The following LMBRD1 variants were observed in gnomAD, a reference collection of about 807,000 sequenced individuals.
LMBRD1 encodes the protein lysosomal cobalamin transport escort protein LMBD1.
LMBRD1 carries 64 observed loss-of-function variants against 74.8 expected under a neutral mutation model. That is an observed-to-expected ratio of 0.86 (90% CI 0.70 to 1.05). LMBRD1 has a LOEUF of 1.05. Among genes scored for constraint, LMBRD1 ranks in the 50% least tolerant of loss-of-function variants. The pLI is 0.00. For synonymous variants in LMBRD1, 204 were observed against 216.3 expected, an observed-to-expected ratio of 0.94 and a Z score of 0.50; for missense variants, 652 against 645.9, an observed-to-expected ratio of 1.01 and a Z score of -0.10.
At chr6:69,754,438 T>G (rs1033981012) in intron 3 of LMBRD1, among the ~76,000 whole-genome samples, 1 of 152,168 alleles carries the variant, frequency 6.6e-6, no homozygotes, top group African/African-American at 2.4e-5. Context: ...CCCTACTACA[T>G]GCAATACAGA....
chr6:69,783,638 T>A (rs1389281876), intron 2 of LMBRD1, among the ~76,000 whole-genome samples: 2 of 152,130 alleles, frequency 1.3e-5, no homozygotes, highest in Non-Finnish European at 2.9e-5. Context: ...GCCTCTAGGT[T>A]TACAGGTGTG....
chr6:69,761,015 G>GTGCAC (rs1765361790), intron 3 of LMBRD1, among the ~76,000 whole-genome samples: 2 of 152,070 alleles, frequency 1.3e-5, no homozygotes, highest in South Asian at 4.1e-4. Context: ...ACCCAACTAA[G>GTGCAC]GTGCATCTGG....
At chr6:69,724,542 TC>T (rs1297104304) in intron 7 of LMBRD1, among the ~76,000 whole-genome samples, 3 of 143,670 alleles carry the variant, frequency 2.1e-5, no homozygotes, top group Non-Finnish European at 1.6e-5. Context: ...CAGGGATAAA[TC>T]CCACTTGGTC....
At chr6:69,777,814 A>G (rs1765738270) in intron 3 of LMBRD1, among the ~76,000 whole-genome samples, 1 of 152,362 alleles carries the variant, frequency 6.6e-6, no homozygotes, top group South Asian at 2.1e-4. Context: ...GAAGGATTAG[A>G]CAAACTTAGC....
intron 5 of LMBRD1, among the ~76,000 whole-genome samples, chr6:69,742,707 T>C (rs1767130122): frequency 6.6e-6 from 1 of 152,152 alleles, no homozygotes; most frequent in Admixed American, 6.5e-5. Context: ...TTATCCTCTG[T>C]TGTAAAGAGG....
At chr6:69,707,620 G>A (rs1208735672) in intron 9 of LMBRD1, among the ~76,000 whole-genome samples, 3 of 151,970 alleles carry the variant, frequency 2.0e-5, no homozygotes, top group Non-Finnish European at 2.9e-5. Context: ...AGCATACATT[G>A]GATCTATCTT....
At chr6:69,732,772 T>C (rs959959031) in intron 7 of LMBRD1, among the ~76,000 whole-genome samples, 11 of 152,220 alleles carry the variant, frequency 7.2e-5, no homozygotes, top group Admixed American at 2.0e-4. Flanking sequence ...TCACTGCTTC[T>C]ATAGGCAGTT....
Position 69,699,137 on chromosome 6 carries a change from A to G in LMBRD1, c.1244T>C (p.Met415Thr). Residue 415 changes from methionine to threonine, a missense_variant, in exon 13 of 16, where the codon ATG becomes ACG. Met to Thr is a moderately conservative substitution (Grantham distance 81). Coordinates refer to ENST00000649934, the MANE Select transcript of LMBRD1 (RefSeq NM_018368.4). ...GTGAAGGACAATAAGCAGAAGTATC[A>G]TGCAGAGAAAAAGGAGTGCTTGGGG... Reference protein sequence around the residue: ...TRPQALLFLCMILLLIVLHTS... With the variant: ...TRPQALLFLCTILLLIVLHTS... 1 of 1,611,286 alleles carries G rather than the reference A, an allele frequency of 6.2e-7. No homozygotes were observed. The highest frequency in any genetic ancestry group is 8.5e-7 in the Non-Finnish European group (1 of 1,177,718).
intron 3 of LMBRD1, among the ~76,000 whole-genome samples, chr6:69,768,110 C>T (rs528610995): frequency 3.3e-5 from 5 of 151,926 alleles, no homozygotes; most frequent in East Asian, 1.9e-4. Flanking sequence ...AACACGTTGA[C>T]GAATCTTCAT....
intron 3 of LMBRD1, among the ~76,000 whole-genome samples, chr6:69,767,240 T>C (rs1765491115): frequency 1.3e-5 from 2 of 151,632 alleles, no homozygotes. Flanking sequence ...ATTTTTCTTC[T>C]GCTTGTTTAA....
At chr6:69,772,782 A>G (rs1346735239) in intron 3 of LMBRD1, among the ~76,000 whole-genome samples, 1 of 152,206 alleles carries the variant, frequency 6.6e-6, no homozygotes, top group African/African-American at 2.4e-5. Context: ...GAAATATATT[A>G]TTAGAGATGT....
At chr6:69,691,875 C>T (rs1458475195) in intron 14 of LMBRD1, among the ~76,000 whole-genome samples, 2 of 65,114 alleles carry the variant, frequency 3.1e-5, no homozygotes, top group African/African-American at 1.4e-4. Flanking sequence ...GACTCCGTCT[C>T]AAAAAAAAAA....
At chr6:69,714,205 A>G (rs1766444810) in intron 8 of LMBRD1, among the ~76,000 whole-genome samples, 1 of 151,990 alleles carries the variant, frequency 6.6e-6, no homozygotes, top group African/African-American at 2.4e-5. Context: ...TCTTTAGTCA[A>G]GTGGTTATGT....
chr6:69,722,751 T>C (rs1276273650), intron 7 of LMBRD1, among the ~76,000 whole-genome samples: 2 of 151,792 alleles, frequency 1.3e-5, no homozygotes, highest in Non-Finnish European at 2.9e-5. Flanking sequence ...TCACCTTCAC[T>C]AAAAGGAAGA....
At chr6:69,756,307 A>T (rs1305459723) in intron 3 of LMBRD1, among the ~76,000 whole-genome samples, 3 of 151,818 alleles carry the variant, frequency 2.0e-5, no homozygotes, top group African/African-American at 7.3e-5. Context: ...AGGTTGCAGT[A>T]AGCCCAATTC....
chr6:69,768,296 A>G (rs1765509958), intron 3 of LMBRD1, among the ~76,000 whole-genome samples: 1 of 151,810 alleles, frequency 6.6e-6, no homozygotes, highest in Admixed American at 6.6e-5. Flanking sequence ...GTTAGTTTCT[A>G]CATTACCAAT....
intron 14 of LMBRD1, 129 bp from the exon 15 acceptor site, chr6:69,676,670 G>T: frequency 1.3e-6 from 1 of 770,226 alleles, no homozygotes; most frequent in Admixed American, 2.0e-5. Flanking sequence ...GTCAGAGATG[G>T]TACTGAAACT....
chr6:69,763,826 T>C (rs1422074000), intron 3 of LMBRD1, among the ~76,000 whole-genome samples: 2 of 152,156 alleles, frequency 1.3e-5, no homozygotes, highest in African/African-American at 4.8e-5. Context: ...CATTGCTAGG[T>C]TTTTTACTTT....
intron 7 of LMBRD1, among the ~76,000 whole-genome samples, chr6:69,722,178 A>G (rs1766630315): frequency 6.6e-6 from 1 of 152,206 alleles, no homozygotes; most frequent in Non-Finnish European, 1.5e-5. Flanking sequence ...TTACCCTAGA[A>G]TAGTATATCC....
Sources: gnomAD v4.1 joint callset for allele counts (sites outside exome capture counted in the v4.1 genomes callset) on GRCh38, gnomAD v4.1.1 for gene constraint, MANE v1.5 for transcripts, NCBI Gene and HGNC (gene_info 2026-07-23, HGNC 2026-07-21) for gene names.